SYT9: variants seen among roughly 807,000 people sequenced by gnomAD.
The protein encoded by SYT9 is synaptotagmin-9.
A neutral mutation model predicts 48.4 loss-of-function variants in SYT9; 22 were observed. The ratio of observed to expected loss-of-function variants is 0.45; its 90% CI spans 0.32 to 0.65. SYT9 has a LOEUF of 0.65. SYT9 is among the 30% of genes least tolerant of loss of function. The pLI, the probability that SYT9 is intolerant of heterozygous loss-of-function variation, is 0.03. For missense variants in SYT9, 577 were observed against 622.0 expected (o/e 0.93, Z 0.77); for synonymous variants, 265 against 245.0 (o/e 1.08, Z -0.76).
chr11:7,467,594 C>T lies in SYT9; in HGVS notation c.*794C>T, dbSNP rs1369389895. The stretch of plus-strand genomic sequence containing the variant: ...AAAAGTAATTAGTTAGAAGGGCATA[C>T]ATCTCAGTGGCATGAGCATTGTGGA... On this transcript the variant is annotated 3_prime_UTR_variant, in exon 7 of 7. Transcript: ENST00000318881. 1 of 152,236 alleles carries T rather than the reference C, an allele frequency of 6.6e-6. No homozygotes were observed. The highest frequency in any genetic ancestry group is 1.5e-5 in the Non-Finnish European group (1 of 68,062). The allele number at this position is 152,236 out of a possible 1,614,324, so 9.4% of individuals were successfully genotyped here. A position where few individuals can be genotyped will look rare whatever the true frequency, so the allele number is the denominator to read the frequency against.
intron 3 of SYT9, among the ~76,000 whole-genome samples, chr11:7,408,642 C>T (rs1847071957): frequency 6.6e-6 from 1 of 152,118 alleles, no homozygotes; most frequent in Non-Finnish European, 1.5e-5. Context: ...AGTTCATTAT[C>T]AGTATATAGA....
At chr11:7,379,089 TAAA>T (rs1340520377) in intron 3 of SYT9, among the ~76,000 whole-genome samples, 9 of 152,182 alleles carry the variant, frequency 5.9e-5, no homozygotes, top group African/African-American at 1.9e-4. Context: ...AAAATGAAAA[TAAA>T]AAAGTCTTTT....
At chr11:7,376,784 G>A (rs1227814904) in intron 3 of SYT9, among the ~76,000 whole-genome samples, 1 of 151,846 alleles carries the variant, frequency 6.6e-6, no homozygotes, top group Non-Finnish European at 1.5e-5. Context: ...CTCTAAAAAT[G>A]TCCACCTTTG....
chr11:7,251,954 G>C lies in SYT9; in HGVS notation c.-233G>C, dbSNP rs1480292615. 1.2e-5 allele frequency: 5 copies of C among 428,460 alleles called. No individual in the cohort carries two copies. In the South Asian group the frequency reaches 1.7e-4, roughly 14 times the overall value. 26.5% of individuals were successfully genotyped at this position (428,460 alleles called of 1,614,324 possible). A position where few individuals can be genotyped will look rare whatever the true frequency, so the allele number is the denominator to read the frequency against. ...TCCTCGGTGTCTGGGGAGGGACGGA[G>C]GGACCGGGCGGGAGAGAGAGAAAGC... On this transcript the variant is annotated 5_prime_UTR_variant, in exon 1 of 7. Coordinates refer to ENST00000318881, the MANE Select transcript of SYT9 (RefSeq NM_175733.4).
intron 1 of SYT9, among the ~76,000 whole-genome samples, chr11:7,256,887 C>T (rs1250930925): frequency 6.6e-6 from 1 of 152,102 alleles, no homozygotes; most frequent in Non-Finnish European, 1.5e-5. Flanking sequence ...TTCTTCTCTC[C>T]ATGTAAATAT....
At chr11:7,275,674 C>T (rs961122783) in intron 1 of SYT9, among the ~76,000 whole-genome samples, 4 of 152,130 alleles carry the variant, frequency 2.6e-5, no homozygotes, top group African/African-American at 9.7e-5. Context: ...AAGTTCAGAC[C>T]TGTATATCTA....
intron 6 of SYT9, among the ~76,000 whole-genome samples, chr11:7,422,702 T>C (rs1476535397): frequency 6.6e-6 from 1 of 152,236 alleles, no homozygotes; most frequent in Non-Finnish European, 1.5e-5. Flanking sequence ...GTGTGTGGTG[T>C]AGGGCTGAGA....
intron 3 of SYT9, among the ~76,000 whole-genome samples, chr11:7,402,240 T>C (rs1436322920): frequency 6.6e-6 from 1 of 152,058 alleles, no homozygotes; most frequent in Non-Finnish European, 1.5e-5. Context: ...GGGCCAAGAA[T>C]ATGGTTTATC....
At chr11:7,290,849 A>C (rs1006649988) in intron 1 of SYT9, among the ~76,000 whole-genome samples, 2 of 152,174 alleles carry the variant, frequency 1.3e-5, no homozygotes, top group South Asian at 4.1e-4. Flanking sequence ...AATCATTCTG[A>C]GTCCCAGTGG....
At chr11:7,295,536 G>T (rs995465878) in intron 1 of SYT9, among the ~76,000 whole-genome samples, 3 of 152,148 alleles carry the variant, frequency 2.0e-5, no homozygotes, top group African/African-American at 7.2e-5. Flanking sequence ...TTTCTCTACA[G>T]CTCTCCTCTT....
chr11:7,273,862 G>T (rs1247117591), intron 1 of SYT9, among the ~76,000 whole-genome samples: 3 of 152,058 alleles, frequency 2.0e-5, no homozygotes, highest in Non-Finnish European at 2.9e-5. Flanking sequence ...AGAACACATG[G>T]ACACAGGGAG....
intron 1 of SYT9, among the ~76,000 whole-genome samples, chr11:7,275,618 T>C (rs555617985): frequency 1.3e-3 from 195 of 152,318 alleles, no homozygotes; most frequent in Middle Eastern, 3.4e-3. Flanking sequence ...ATACCAGCCT[T>C]CAATATACTG....
Position 7,393,773 on chromosome 11 carries a change from C to T in SYT9, c.1045-22269C>T, listed in dbSNP as rs377647547. Among the ~76,000 whole-genome samples the T allele has an allele frequency of 5.8e-4, 88 of 151,990 alleles. 1 individual carries two copies. In the South Asian group the frequency reaches 0.017, roughly 30 times the overall value. On this transcript the variant is annotated intron_variant, in intron 3 of 6. Coordinates refer to ENST00000318881, the MANE Select transcript of SYT9 (RefSeq NM_175733.4). ...TTATTACTGATTCAATTTCTGAGCTCATTACTGATCTGTTCAGGTTTTCAA... is the reference window on the plus strand; with the variant it reads ...TTATTACTGATTCAATTTCTGAGCTTATTACTGATCTGTTCAGGTTTTCAA...
intron 1 of SYT9, among the ~76,000 whole-genome samples, chr11:7,259,320 T>C (rs1253029973): frequency 6.6e-6 from 1 of 152,180 alleles, no homozygotes; most frequent in African/African-American, 2.4e-5. Flanking sequence ...GTGATGACTA[T>C]GTATATTCCA....
At chr11:7,426,479 C>A (rs1847460070) in intron 6 of SYT9, among the ~76,000 whole-genome samples, 1 of 152,158 alleles carries the variant, frequency 6.6e-6, no homozygotes. Context: ...GAAATTCTAA[C>A]AACCAATACT....
chr11:7,303,428 A>AC (rs767379066), intron 2 of SYT9, 38 bp downstream of exon 2: 1 of 1,524,018 alleles, frequency 6.6e-7, no homozygotes, highest in African/African-American at 1.4e-5. Context: ...GCAAGGAAGG[A>AC]CCACCCCATT....
chr11:7,283,063 A>T (rs17373439), intron 1 of SYT9, among the ~76,000 whole-genome samples: 1 of 150,546 alleles, frequency 6.6e-6, no homozygotes, highest in Non-Finnish European at 1.5e-5. Context: ...TTCTAGTTTT[A>T]GGTTTCTGAT....
rs537164093 is a variant in SYT9, at chr11:7,350,589, T to C, written c.1044+36648T>C. On this transcript the variant is annotated intron_variant, in intron 3 of 6. Coordinates refer to ENST00000318881, the MANE Select transcript of SYT9 (RefSeq NM_175733.4). ...AGATACACACCTCAAAATGCAGCCC[T>C]GGGGCCTGGGCTCACTTTCCTTCAT... is the stretch of plus-strand genomic sequence containing the variant. Among the ~76,000 whole-genome samples the C allele has an allele frequency of 7.2e-5, 11 of 152,334 alleles. No individual in the cohort carries two copies. In the South Asian group the frequency reaches 1.7e-3, roughly 23 times the overall value.
intron 1 of SYT9, among the ~76,000 whole-genome samples, chr11:7,286,521 G>A: frequency 6.6e-6 from 1 of 152,234 alleles, no homozygotes; most frequent in East Asian, 1.9e-4. Context: ...TCCTCATTGT[G>A]TTCATGATTA....
Sources: allele counts gnomAD v4.1 joint callset (sites outside exome capture counted in the v4.1 genomes callset), GRCh38; gene constraint gnomAD v4.1.1; transcripts MANE v1.5; gene names NCBI Gene and HGNC (gene_info 2026-07-23, HGNC 2026-07-21).